TMEM18: variants seen among roughly 807,000 people sequenced by gnomAD.
TMEM18 encodes transmembrane protein 18.
In TMEM18, 14 loss-of-function variants were observed where a neutral mutation model predicts 17.4. That is an observed-to-expected ratio of 0.80 (90% CI 0.53 to 1.25). The LOEUF (loss-of-function observed/expected upper bound fraction) is 1.25. TMEM18 is among the 50% of genes most tolerant of loss of function. The pLI is 0.00. For synonymous variants in TMEM18, 86 were observed against 66.1 expected (o/e 1.30, Z -1.46); for missense variants, 187 against 172.1 (o/e 1.09, Z -0.48).
Position 667,474 on chromosome 2 carries a change from C to A in TMEM18, c.*2106G>T, listed in dbSNP as rs941327587. On this transcript the variant is annotated 3_prime_UTR_variant, in exon 5 of 5. Transcript: ENST00000281017. ...AGTAAAAACATTTGTTCTACTTAAA[C>A]AGATGAAGCTCTCCAGTGAGTCATC... 1 of 152,176 alleles carries A rather than the reference C, an allele frequency of 6.6e-6. No homozygotes were observed. The highest frequency in any genetic ancestry group is 2.4e-5 in the African/African-American group (1 of 41,438). 9.4% of individuals were successfully genotyped at this position (152,176 alleles called of 1,614,324 possible).
At position 665,915 on chromosome 2, in the gene TMEM18, A is replaced by C. The variant is rs1425895014; in HGVS notation, c.*3665T>G. ...ACAGGACTCATGGAGGCAGTCACCCAGCTCACTCAGATGGAGTGTTAACCC... is the reference window on the plus strand; with the variant it reads ...ACAGGACTCATGGAGGCAGTCACCCCGCTCACTCAGATGGAGTGTTAACCC... On this transcript the variant is annotated 3_prime_UTR_variant, in exon 5 of 5. Transcript: ENST00000281017. Among the ~76,000 whole-genome samples the C allele has an allele frequency of 6.6e-6, 1 of 152,114 alleles. No individual in the cohort carries two copies. Among genetic ancestry groups the C allele is most frequent in the African/African-American group, 2.4e-5 (1 of 41,420 alleles).
intron 1 of TMEM18, chr2:676,132 T>C: frequency 7.5e-7 from 1 of 1,324,996 alleles, no homozygotes; most frequent in Non-Finnish European, 1.0e-6. Flanking sequence ...TCTTGAGCCA[T>C]CGCCACGTGC....
rs76346559 is a variant in TMEM18, at chr2:674,756, A to T, written c.178+754T>A. On this transcript the variant is annotated intron_variant, in intron 2 of 4. Transcript: ENST00000281017. ...ATTAGTTATTTTTAACTACCAAGCA[A>T]AATCTTCAGTGTCTCCCCAATGTTG... 6.4e-3 allele frequency among the ~76,000 whole-genome samples: 969 copies of T among 152,336 alleles called. 12 individuals carry two copies. The highest frequency in any genetic ancestry group is 0.022 in the African/African-American group (928 of 41,568).
At chr2:676,547 C>T (rs1193990384) in intron 1 of TMEM18, 2 of 1,549,340 alleles carry the variant, frequency 1.3e-6, no homozygotes, top group African/African-American at 1.4e-5. Context: ...AGGACACAAG[C>T]GCATCTACTC....
intron 2 of TMEM18, among the ~76,000 whole-genome samples, chr2:674,587 T>G (rs1043450051): frequency 6.6e-6 from 1 of 152,196 alleles, no homozygotes; most frequent in African/African-American, 2.4e-5. Context: ...CAGGGCACCC[T>G]CAATACAGAG....
At chr2:673,696 A>C (rs1396748797) in intron 2 of TMEM18, among the ~76,000 whole-genome samples, 16 of 148,568 alleles carry the variant, frequency 1.1e-4, no homozygotes, top group Admixed American at 1.1e-3. Context: ...AAAGCAGAGG[A>C]AAAGAATGCA....
chr2:675,156 T>C (rs1678964221), intron 2 of TMEM18, among the ~76,000 whole-genome samples: 1 of 152,198 alleles, frequency 6.6e-6, no homozygotes, highest in African/African-American at 2.4e-5. Flanking sequence ...TCTTTCCCAG[T>C]TTGCAATCTT....
chr2:666,444 C>T lies in TMEM18; in HGVS notation c.*3136G>A, dbSNP rs138341032. On this transcript the variant is annotated 3_prime_UTR_variant, in exon 5 of 5. Coordinates refer to ENST00000281017, the MANE Select transcript of TMEM18 (RefSeq NM_152834.4). ...CAAAGCGAGGAAAGATCTAACTGTA[C>T]AGGCCGCTGTGAAACTGGAACATCG... is the stretch of plus-strand genomic sequence containing the variant. Among the ~76,000 whole-genome samples, 484 of 152,304 alleles carry T rather than the reference C, an allele frequency of 3.2e-3. No homozygotes were observed. Among genetic ancestry groups the T allele is most frequent in the Non-Finnish European group, 5.3e-3 (358 of 68,026 alleles).
At chr2:672,617 G>A (rs540514820) in intron 3 of TMEM18, among the ~76,000 whole-genome samples, 191 bp downstream of exon 3, 1 of 152,374 alleles carries the variant, frequency 6.6e-6, no homozygotes, top group African/African-American at 2.4e-5. Flanking sequence ...CGCTCAGAAA[G>A]GGCCACTGTG....
In TMEM18 at chr2:664,766, A is replaced by C. The variant is rs1212276077; in HGVS notation, c.*4814T>G. On this transcript the variant is annotated 3_prime_UTR_variant, in exon 5 of 5. Coordinates refer to ENST00000281017, the MANE Select transcript of TMEM18 (RefSeq NM_152834.4). ...ATTTCACTTGTAAGAATTTATTCCA[A>C]GTCAATAGTGGAAATGTAGGCATGT... Among the ~76,000 whole-genome samples the C allele has an allele frequency of 1.3e-5, 2 of 152,242 alleles. No homozygotes were observed. Among genetic ancestry groups the C allele is most frequent in the African/African-American group, 2.4e-5 (1 of 41,466 alleles).
In TMEM18 at chr2:668,877, A is replaced by G. The variant is rs1299909038; in HGVS notation, c.*703T>C. ...CATTCTGTTTTCAGTAAAGCAGCCC[A>G]TAACTTTGCTAGAGAGGGCCTAGCC... On this transcript the variant is annotated 3_prime_UTR_variant, in exon 5 of 5. Transcript: ENST00000281017. 1.3e-5 allele frequency: 2 copies of G among 152,364 alleles called. No individual in the cohort carries two copies. The highest frequency in any genetic ancestry group is 4.8e-5 in the African/African-American group (2 of 41,584). 9.4% of individuals were successfully genotyped at this position (152,364 alleles called of 1,614,324 possible). A position where few individuals can be genotyped will look rare whatever the true frequency, so the allele number is the denominator to read the frequency against.
At chr2:672,343 G>T (rs534381113) in intron 3 of TMEM18, among the ~76,000 whole-genome samples, 1 of 152,074 alleles carries the variant, frequency 6.6e-6, no homozygotes, top group African/African-American at 2.4e-5. Flanking sequence ...GCAGGGCCAG[G>T]GCTGCCAGCG....
intron 1 of TMEM18, 178 bp from the exon 2 acceptor site, chr2:675,808 A>G (rs1417355651): frequency 6.5e-7 from 1 of 1,530,258 alleles, no homozygotes; most frequent in Non-Finnish European, 8.7e-7. Context: ...GGGACAGGAA[A>G]GGGAGAAGGA....
intron 3 of TMEM18, among the ~76,000 whole-genome samples, chr2:672,000 G>A (rs1336263308): frequency 1.3e-5 from 2 of 150,928 alleles, no homozygotes; most frequent in African/African-American, 4.9e-5. Flanking sequence ...GGCAGGAGGA[G>A]GCCGAGTCAG....
At chr2:671,362 G>GTC (rs1678845704) in intron 3 of TMEM18, among the ~76,000 whole-genome samples, 8 of 152,088 alleles carry the variant, frequency 5.3e-5, no homozygotes, top group Admixed American at 5.2e-4. Flanking sequence ...CCCCTCCTGG[G>GTC]ACTGAACCAT....
At position 669,274 on chromosome 2, in the gene TMEM18, G is replaced by A. The variant is rs1678773979; in HGVS notation, c.*306C>T. The stretch of plus-strand genomic sequence containing the variant: ...ATTGTGTATTTTATATTTATAATTA[G>A]TACTAGTTACACATATGACATGGAC... On this transcript the variant is annotated 3_prime_UTR_variant, in exon 5 of 5. Transcript: ENST00000281017. 2.9e-6 allele frequency: 1 copy of A among 345,126 alleles called. No individual in the cohort carries two copies. Among genetic ancestry groups the A allele is most frequent in the South Asian group, 5.6e-5 (1 of 17,800 alleles). 21.4% of individuals were successfully genotyped at this position (345,126 alleles called of 1,614,324 possible). A position where few individuals can be genotyped will look rare whatever the true frequency, so the allele number is the denominator to read the frequency against.
chr2:675,804 G>C (rs2103094827), intron 1 of TMEM18, 174 bp from the exon 2 acceptor site: 2 of 1,530,870 alleles, frequency 1.3e-6, no homozygotes, highest in African/African-American at 2.7e-5. Flanking sequence ...CATGGGGACA[G>C]GAAAGGGAGA....
rs1206853389 is a variant in TMEM18 at position 669,444 on chromosome 2, C to A, written c.*136G>T. The stretch of plus-strand genomic sequence containing the variant: ...GCCAACTTCAGTGTGTGCCCTACCA[C>A]TGTGGATATTTAAATAAAACAACGG... On this transcript the variant is annotated 3_prime_UTR_variant, in exon 5 of 5. Transcript: ENST00000281017. 4.6e-6 allele frequency: 4 copies of A among 876,496 alleles called. No homozygotes were observed. The African/African-American group carries it at 6.7e-5, about 15-fold the overall frequency. 54.3% of individuals were successfully genotyped at this position (876,496 alleles called of 1,614,324 possible). A position where few individuals can be genotyped will look rare whatever the true frequency, so the allele number is the denominator to read the frequency against.
At position 677,210 on chromosome 2, in the gene TMEM18, G is replaced by C; in HGVS notation, c.57+79C>G. The C allele has an allele frequency of 2.0e-6, 3 of 1,526,832 alleles. No individual in the cohort carries two copies. In the South Asian group the frequency reaches 3.6e-5, roughly 18 times the overall value. 94.6% of individuals were successfully genotyped at this position (1,526,832 alleles called of 1,614,324 possible). A position where few individuals can be genotyped will look rare whatever the true frequency, so the allele number is the denominator to read the frequency against. ...ACGGCCGGGGCCTTCTTGGCCACAG[G>C]CCGGGTGCTCTGTGGGGCCTACCCT... On this transcript the variant is annotated intron_variant, in intron 1 of 4. Transcript: ENST00000281017.
Sources: allele counts gnomAD v4.1 joint callset (sites outside exome capture counted in the v4.1 genomes callset), GRCh38; gene constraint gnomAD v4.1.1; transcripts MANE v1.5; gene names NCBI Gene and HGNC (gene_info 2026-07-23, HGNC 2026-07-21).